Variants in CNKSR2 observed in about 807,000 individuals in gnomAD.
The protein encoded by CNKSR2 is CNK homolog protein 2.
CNKSR2 carries 14 observed loss-of-function variants against 84.4 expected under a neutral mutation model. That is an observed-to-expected ratio of 0.17 (90% confidence interval 0.11 to 0.26). CNKSR2 has a LOEUF of 0.26. CNKSR2 is among the 10% of genes least tolerant of loss of function. The pLI, the probability that CNKSR2 is intolerant of heterozygous loss-of-function variation, is 1.00. For synonymous variants in CNKSR2, 275 were observed against 277.9 expected, an observed-to-expected ratio of 0.99 and a Z score of 0.10; for missense variants, 485 against 771.2, an observed-to-expected ratio of 0.63 and a Z score of 4.40.
chrX:21,511,784 TC>T (rs950948873), intron 8 of CNKSR2, among the ~76,000 whole-genome samples: 4 of 111,563 alleles, frequency 3.6e-5, no homozygotes, highest in African/African-American at 6.5e-5. Flanking sequence ...CATTACTCCT[TC>T]CCTTGTTCTG....
At position 21,653,011 on chromosome X, in the gene CNKSR2, T is replaced by C. The variant is rs1486380533; in HGVS notation, c.*490T>C. 8.8e-6 allele frequency: 1 copy of C among 113,034 alleles called. No homozygotes were observed. The highest frequency in any genetic ancestry group is 9.4e-5 in the Admixed American group (1 of 10,656). The allele number at this position is 113,034 out of a possible 1,213,427, so 9.3% of individuals were successfully genotyped here. ...TGCACAAAGTTTAATGCTGTAGTTT[T>C]ATTTTTGTGAAATGTAGATGCGCAT... On this transcript the variant is annotated 3_prime_UTR_variant, in exon 22 of 22. Coordinates refer to ENST00000379510, the MANE Select transcript of CNKSR2 (RefSeq NM_014927.5).
rs1212999407 is a variant in CNKSR2 at position 21,648,842 on chromosome X, G to A, written c.2704G>A (p.Glu902Lys). 1.1e-6 allele frequency: 1 copy of A among 918,963 alleles called. No homozygotes were observed. Among genetic ancestry groups the A allele is most frequent in the African/African-American group, 2.5e-5 (1 of 40,067 alleles). The allele number at this position is 918,963 out of a possible 1,213,427, so 75.7% of individuals were successfully genotyped here. ...ENIGEKSESR[E>K]EKLGDSLQDL... The stretch of plus-strand genomic sequence containing the variant: ...TTTGGATGTTGCAGGTGAAAGCAGA[G>A]AAGAAAAGTTAGGAGACTCATTGCA... The change falls in exon 21 of 22, where the codon GAA (glutamate) becomes AAA (lysine). Residue 902 changes from glutamate (E) to lysine (K), a missense_variant. Transcript: ENST00000379510.
intron 8 of CNKSR2, chrX:21,506,092 A>G (rs1290587724): frequency 9.0e-6 from 1 of 111,341 alleles, no homozygotes; most frequent in African/African-American, 3.3e-5. Flanking sequence ...AACTGAGACC[A>G]CAAGAGGCAG....
At chrX:21,569,310 G>T (rs1410098645) in intron 13 of CNKSR2, among the ~76,000 whole-genome samples, 2 of 110,990 alleles carry the variant, frequency 1.8e-5, no homozygotes, top group Non-Finnish European at 1.9e-5. Flanking sequence ...AGTTGGGGTG[G>T]TTATGACAAT....
chrX:21,572,488 A>G (rs2092290561), intron 13 of CNKSR2, among the ~76,000 whole-genome samples: 1 of 112,095 alleles, frequency 8.9e-6, no homozygotes, highest in Non-Finnish European at 1.9e-5. Flanking sequence ...GACATACTCA[A>G]GACTGGGTAA....
At chrX:21,637,977 C>CAT (rs748445447) in intron 20 of CNKSR2, among the ~76,000 whole-genome samples, 4 of 111,108 alleles carry the variant, frequency 3.6e-5, no homozygotes, top group Non-Finnish European at 5.7e-5. Context: ...TGGCTTTGCC[C>CAT]TTAAATTTGC....
At chrX:21,626,415 G>A (rs987749848) in intron 20 of CNKSR2, among the ~76,000 whole-genome samples, 1 of 111,500 alleles carries the variant, frequency 9.0e-6, no homozygotes, top group Non-Finnish European at 1.9e-5. Flanking sequence ...AGTTTGGATT[G>A]TATCACAAAG....
chrX:21,417,866 C>T lies in CNKSR2; in HGVS notation c.65-8631C>T. 2.7e-5 allele frequency among the ~76,000 whole-genome samples: 3 copies of T among 111,407 alleles called. No individual in the cohort carries two copies. The Admixed American group carries it at 2.9e-4, about 11-fold the overall frequency. On this transcript the variant is annotated intron_variant, in intron 1 of 21. Coordinates refer to ENST00000379510, the MANE Select transcript of CNKSR2 (RefSeq NM_014927.5). ...TTGTTTTTAAATTTATGCAGCCACT[C>T]TATGACTTTTTATTGGAGAGTTTAG...
At chrX:21,377,663 C>T (rs1323356683) in intron 1 of CNKSR2, among the ~76,000 whole-genome samples, 2 of 111,239 alleles carry the variant, frequency 1.8e-5, no homozygotes, top group African/African-American at 3.3e-5. Context: ...AAGGTACATT[C>T]TTTATGTACT....
At chrX:21,578,461 G>C (rs776666402) in intron 13 of CNKSR2, among the ~76,000 whole-genome samples, 46 of 109,214 alleles carry the variant, frequency 4.2e-4, no homozygotes, top group African/African-American at 1.5e-3. Context: ...ATATAGGTCA[G>C]CTATATACTT....
intron 8 of CNKSR2, 55 bp from the exon 9 acceptor site, chrX:21,516,430 T>C: frequency 1.8e-6 from 2 of 1,132,431 alleles, no homozygotes; most frequent in South Asian, 4.1e-5. Context: ...GGGAGAACAT[T>C]AAATCTTTGA....
intron 13 of CNKSR2, among the ~76,000 whole-genome samples, chrX:21,585,159 C>G (rs1345030157): frequency 9.2e-6 from 1 of 108,527 alleles, no homozygotes; most frequent in African/African-American, 3.4e-5. Flanking sequence ...GGGAGGATCA[C>G]TTGAGCCCAG....
chrX:21,456,523 T>G (rs921271147), intron 4 of CNKSR2, among the ~76,000 whole-genome samples: 2 of 111,898 alleles, frequency 1.8e-5, no homozygotes, highest in Admixed American at 1.9e-4. Context: ...TTCATCCATG[T>G]TGTTGCAAGT....
chrX:21,553,517 A>G (rs1199445250), intron 11 of CNKSR2, among the ~76,000 whole-genome samples: 1 of 107,345 alleles, frequency 9.3e-6, no homozygotes, highest in Non-Finnish European at 1.9e-5. Flanking sequence ...TTGTCAATAA[A>G]AGTGATGTTT....
At chrX:21,570,105 G>A (rs2092272716) in intron 13 of CNKSR2, among the ~76,000 whole-genome samples, 1 of 112,118 alleles carries the variant, frequency 8.9e-6, no homozygotes. Context: ...CCCCTAACAA[G>A]AGAGTCAGCC....
At chrX:21,568,205 T>C (rs751673665) in intron 13 of CNKSR2, among the ~76,000 whole-genome samples, 2 of 111,510 alleles carry the variant, frequency 1.8e-5, no homozygotes, top group South Asian at 7.7e-4. Flanking sequence ...GGAGAATCAC[T>C]GGACCCTGGA....
rs185940552 is a variant in CNKSR2, at chrX:21,555,591, G to A, written c.1304-5880G>A. Among the ~76,000 whole-genome samples the A allele has an allele frequency of 3.6e-5, 4 of 111,248 alleles. No homozygotes were observed. In the East Asian group the frequency reaches 1.1e-3, roughly 32 times the overall value. ...CATCTGAAAGTAATTTTTCTGTCTG[G>A]TATGTGGGGTTTTTGATGGGTGTAT... On this transcript the variant is annotated intron_variant, in intron 11 of 21. Coordinates refer to ENST00000379510, the MANE Select transcript of CNKSR2 (RefSeq NM_014927.5).
At chrX:21,416,192 G>GGTTTTTGTTC (rs1256168739) in intron 1 of CNKSR2, among the ~76,000 whole-genome samples, 1 of 111,883 alleles carries the variant, frequency 8.9e-6, no homozygotes, top group Non-Finnish European at 1.9e-5. Flanking sequence ...AGCATCAAAT[G>GGTTTTTGTTC]AAATGATCAG....
At chrX:21,442,997 G>A (rs927791661) in intron 4 of CNKSR2, among the ~76,000 whole-genome samples, 2 of 110,252 alleles carry the variant, frequency 1.8e-5, no homozygotes, top group Non-Finnish European at 3.8e-5. Context: ...GGGCCTACTC[G>A]AGGGTGAAGG....
Sources: allele counts gnomAD v4.1 joint callset (sites outside exome capture counted in the v4.1 genomes callset), GRCh38; gene constraint gnomAD v4.1.1; transcripts MANE v1.5; gene names NCBI Gene and HGNC (gene_info 2026-07-23, HGNC 2026-07-21).